The following NBEAL1 variants were observed in gnomAD, a reference collection of about 807,000 sequenced individuals.
NBEAL1 encodes neurobeachin like 1, also known as neurobeachin-like protein 1.
Under a neutral mutation model 351.3 loss-of-function variants are expected in NBEAL1, and 273 were observed. That is an observed-to-expected ratio of 0.78 (90% CI 0.70 to 0.86). The LOEUF is 0.86. Ranked by LOEUF, NBEAL1 falls within the 40% of genes least tolerant of loss-of-function variation. NBEAL1 has a pLI of 0.00. For synonymous variants in NBEAL1, 1,050 were observed against 1,086.4 expected, an observed-to-expected ratio of 0.97 and a Z score of 0.66; for missense variants, 2,961 against 3,201.3, an observed-to-expected ratio of 0.92 and a Z score of 1.81.
intron 35 of NBEAL1, among the ~76,000 whole-genome samples, chr2:203,153,965 G>A (rs574574504): frequency 6.1e-4 from 93 of 151,960 alleles, no homozygotes; most frequent in African/African-American, 2.1e-3. Context: ...CTCCAAGTGA[G>A]CCGGGCGTGG....
At position 203,122,339 on chromosome 2, in the gene NBEAL1, TTAAGG is replaced by T. The variant is rs1310922092; in HGVS notation, c.2682_2682+4del. On this transcript the variant is annotated splice_donor_variant and coding_sequence_variant, in exon 19 of 56. Coordinates refer to ENST00000683969, the MANE Select transcript of NBEAL1 (RefSeq NM_001378026.1). LOFTEE classifies it high-confidence loss of function. ...GGAAACAAAGTAGTGAACTGGGACATTAAGGTAAATTAATAGTAAATGTTGGGCAA... is the reference window on the plus strand; with the variant it reads ...GGAAACAAAGTAGTGAACTGGGACATTAAATTAATAGTAAATGTTGGGCAA... 6.7e-7 allele frequency: 1 copy of T among 1,493,990 alleles called. No individual in the cohort carries two copies. Among genetic ancestry groups the T allele is most frequent in the South Asian group, 1.3e-5 (1 of 78,896 alleles). The allele number at this position is 1,493,990 out of a possible 1,614,324, so 92.5% of individuals were successfully genotyped here. A position where few individuals can be genotyped will look rare whatever the true frequency, so the allele number is the denominator to read the frequency against.
intron 49 of NBEAL1, among the ~76,000 whole-genome samples, chr2:203,200,972 A>G (rs1259069732): frequency 6.6e-6 from 1 of 152,240 alleles, no homozygotes; most frequent in African/African-American, 2.4e-5. Context: ...CTCATTTTCT[A>G]TATACACACT....
At chr2:203,209,003 C>T (rs905682842) in intron 52 of NBEAL1, among the ~76,000 whole-genome samples, 158 bp from the exon 53 acceptor site, 5 of 152,080 alleles carry the variant, frequency 3.3e-5, no homozygotes, top group African/African-American at 7.2e-5. Context: ...TTTGAAATTT[C>T]GAAGTTGGAA....
At chr2:203,200,167 C>T (rs1200939697) in intron 49 of NBEAL1, among the ~76,000 whole-genome samples, 20 of 152,066 alleles carry the variant, frequency 1.3e-4, no homozygotes, top group Non-Finnish European at 1.5e-5. Flanking sequence ...CACCTGAGGT[C>T]AGAAGTTCAA....
intron 7 of NBEAL1, among the ~76,000 whole-genome samples, 193 bp downstream of exon 7, chr2:203,068,668 G>A (rs2061632705): frequency 6.6e-6 from 1 of 152,106 alleles, no homozygotes; most frequent in African/African-American, 2.4e-5. Flanking sequence ...TTAATTTGCT[G>A]TTCTCAAAAA....
chr2:203,040,424 C>A (rs1167483981), intron 2 of NBEAL1: 1 of 718,850 alleles, frequency 1.4e-6, no homozygotes, highest in Admixed American at 1.8e-5. Context: ...GTGGAGAGAA[C>A]CGTTGTAAGA....
chr2:203,027,889 AT>A (rs879821534), intron 2 of NBEAL1, among the ~76,000 whole-genome samples: 412 of 143,264 alleles, frequency 2.9e-3, no homozygotes, highest in Non-Finnish European at 2.7e-3. Context: ...TTTCTGAACA[AT>A]TTTTTTTTTT....
chr2:203,179,326 G>T lies in NBEAL1; in HGVS notation c.6465-1056G>T, dbSNP rs62182250. 3.3e-5 allele frequency among the ~76,000 whole-genome samples: 5 copies of T among 152,008 alleles called. No individual in the cohort carries two copies. In the Middle Eastern group the frequency reaches 0.014, roughly 414 times the overall value. On this transcript the variant is annotated intron_variant, in intron 42 of 55. Coordinates refer to ENST00000683969, the MANE Select transcript of NBEAL1 (RefSeq NM_001378026.1). ...AAATTTAAATAAATAAAATTAAGCC[G>T]GGAGCAGTGGCCTGGGCCTCTTAGT...
rs2063200668 is a variant in NBEAL1 at position 203,136,126 on chromosome 2, C to T, written c.4263C>T (p.Asp1421=). ...EMSDSGSQVP[D]SLPSTPSPVE... ...GTGATAGTGGAAGTCAAGTGCCAGA[C>T]AGTCTGCCTAGCACACCATCCCCAG... The change falls in exon 28 of 56, where the codon GAC becomes GAT. Residue 1421 remains aspartate (D), a synonymous_variant. Coordinates refer to ENST00000683969, the MANE Select transcript of NBEAL1 (RefSeq NM_001378026.1). 2 of 1,614,164 alleles carry T rather than the reference C, an allele frequency of 1.2e-6. No homozygotes were observed.
At chr2:203,172,080 A>AT in intron 40 of NBEAL1, 57 bp downstream of exon 40, 2 of 955,468 alleles carry the variant, frequency 2.1e-6, no homozygotes, top group Non-Finnish European at 1.6e-6. Flanking sequence ...TATAAATCAC[A>AT]TAAGTATATA....
Position 203,041,690 on chromosome 2 carries a change from C to T in NBEAL1, c.52-75C>T, listed in dbSNP as rs925971463. The stretch of plus-strand genomic sequence containing the variant: ...TTCATAGTATTGATTCTTTAGGTAT[C>T]TGCTTAATAGGTGTAGAAGCATTTT... On this transcript the variant is annotated intron_variant, in intron 2 of 55. Coordinates refer to ENST00000683969, the MANE Select transcript of NBEAL1 (RefSeq NM_001378026.1). The T allele has an allele frequency of 6.7e-6, 6 of 901,010 alleles. No homozygotes were observed. In the Admixed American group the frequency reaches 1.2e-4, roughly 19 times the overall value. 55.8% of individuals were successfully genotyped at this position (901,010 alleles called of 1,614,324 possible). A position where few individuals can be genotyped will look rare whatever the true frequency, so the allele number is the denominator to read the frequency against.
chr2:203,173,612 C>T (rs2064391194), intron 41 of NBEAL1, among the ~76,000 whole-genome samples: 1 of 151,958 alleles, frequency 6.6e-6, no homozygotes, highest in African/African-American at 2.4e-5. Flanking sequence ...ACTTGATTTA[C>T]CAGTGGAACT....
At chr2:203,194,158 A>C (rs1312495917) in intron 47 of NBEAL1, among the ~76,000 whole-genome samples, 1 of 152,158 alleles carries the variant, frequency 6.6e-6, no homozygotes, top group Non-Finnish European at 1.5e-5. Flanking sequence ...GACGAAGAAG[A>C]ATAAATAATT....
intron 33 of NBEAL1, among the ~76,000 whole-genome samples, chr2:203,148,366 A>G (rs935544493): frequency 6.6e-6 from 1 of 152,034 alleles, no homozygotes; most frequent in Non-Finnish European, 1.5e-5. Flanking sequence ...CAAGGCATGT[A>G]TTTTTAACCA....
chr2:203,133,221 G>A (rs1014088557), intron 27 of NBEAL1, 75 bp downstream of exon 27: 6 of 596,620 alleles, frequency 1.0e-5, no homozygotes, highest in Non-Finnish European at 1.7e-5. Flanking sequence ...GCATTATTTT[G>A]CAGCAGATAC....
At chr2:203,133,207 CTT>C (rs1347970681) in intron 27 of NBEAL1, 61 bp downstream of exon 27, 20 of 696,848 alleles carry the variant, frequency 2.9e-5, no homozygotes, top group South Asian at 5.7e-5. Context: ...CTATAAATAA[CTT>C]TGCATTATTT....
At chr2:203,068,334 A>C (rs2061627351) in intron 6 of NBEAL1, 59 bp from the exon 7 acceptor site, 1 of 745,622 alleles carries the variant, frequency 1.3e-6, no homozygotes, top group African/African-American at 1.8e-5. Context: ...TGTTTTTGTA[A>C]TTGTGCCGTG....
At chr2:203,130,942 AAATAG>A (rs1483294311) in intron 25 of NBEAL1, among the ~76,000 whole-genome samples, 73 of 152,356 alleles carry the variant, frequency 4.8e-4, no homozygotes, top group African/African-American at 1.7e-3. Context: ...CTTATAAAAT[AAATAG>A]AAGAGTTGCT....
chr2:203,094,187 T>G (rs1417334386), intron 10 of NBEAL1, among the ~76,000 whole-genome samples: 1 of 152,182 alleles, frequency 6.6e-6, no homozygotes, highest in Non-Finnish European at 1.5e-5. Flanking sequence ...TTACTGGAAC[T>G]TAAGGTCACA....
Sources: allele counts gnomAD v4.1 joint callset (sites outside exome capture counted in the v4.1 genomes callset), GRCh38; gene constraint gnomAD v4.1.1; transcripts MANE v1.5; gene names NCBI Gene and HGNC (gene_info 2026-07-23, HGNC 2026-07-21).